ERG: variants seen among roughly 807,000 people sequenced by gnomAD.
ERG encodes the protein transcriptional regulator ERG.
A neutral mutation model predicts 55.3 loss-of-function variants in ERG; 9 were observed. The observed-to-expected ratio is 0.16, with a 90% CI of 0.10 to 0.28. The LOEUF is 0.28. ERG is among the 10% of genes least tolerant of loss of function. The pLI, the probability that ERG is intolerant of heterozygous loss-of-function variation, is 1.00. For synonymous variants in ERG, 223 were observed against 237.3 expected (o/e 0.94, Z 0.55); for missense variants, 434 against 631.6 (o/e 0.69, Z 3.35).
intron 2 of ERG, among the ~76,000 whole-genome samples, chr21:38,433,638 T>C (rs527650039): frequency 9.8e-4 from 148 of 151,660 alleles, no homozygotes; most frequent in Non-Finnish European, 1.5e-3. Flanking sequence ...TTGACAAGCA[T>C]GGAGCCTCAG....
chr21:38,576,174 G>A (rs994404384), intron 1 of ERG, among the ~76,000 whole-genome samples: 12 of 152,206 alleles, frequency 7.9e-5, no homozygotes, highest in Non-Finnish European at 1.6e-4. Context: ...ATCCTTTTCA[G>A]CTTTGTTATT....
At chr21:38,537,045 A>G (rs764288119) in intron 2 of ERG, among the ~76,000 whole-genome samples, 48 of 152,210 alleles carry the variant, frequency 3.2e-4, no homozygotes, top group Non-Finnish European at 2.1e-4. Context: ...AGATCATTTA[A>G]TGAGAAAAAA....
chr21:38,459,354 C>T (rs977519398), intron 1 of ERG, among the ~76,000 whole-genome samples: 3 of 152,202 alleles, frequency 2.0e-5, no homozygotes, highest in Admixed American at 6.5e-5. Context: ...AGGTCTAAGA[C>T]AGTTTTCCAA....
the ERG span, among the ~76,000 whole-genome samples, chr21:38,368,281 C>T: frequency 1.3e-5 from 2 of 152,074 alleles, no homozygotes; most frequent in Admixed American, 6.6e-5. Context: ...CATTGCATGA[C>T]CCCTAAATAA....
At chr21:38,389,147 ACC>A (rs1987851070) in intron 9 of ERG, among the ~76,000 whole-genome samples, 1 of 151,932 alleles carries the variant, frequency 6.6e-6, no homozygotes, top group African/African-American at 2.4e-5. Context: ...ATTTTGTAAG[ACC>A]TCCTCTTCCC....
At chr21:38,486,290 A>C (rs990150183) in intron 1 of ERG, among the ~76,000 whole-genome samples, 17 of 152,168 alleles carry the variant, frequency 1.1e-4, no homozygotes, top group African/African-American at 4.1e-4. Context: ...CCATTGTGTT[A>C]AGTGTCACAA....
chr21:38,625,124 C>T (rs764531275), intron 1 of ERG, among the ~76,000 whole-genome samples: 2 of 151,952 alleles, frequency 1.3e-5, no homozygotes, highest in Non-Finnish European at 2.9e-5. Context: ...TTTTTTAGAG[C>T]AGAAATAGAC....
chr21:38,390,797 G>C (rs1987935976), intron 9 of ERG, among the ~76,000 whole-genome samples, 198 bp downstream of exon 9: 1 of 152,210 alleles, frequency 6.6e-6, no homozygotes, highest in African/African-American at 2.4e-5. Context: ...GCTTGGATTA[G>C]GTTATAATGT....
intron 2 of ERG, among the ~76,000 whole-genome samples, chr21:38,505,974 T>C (rs1478004634): frequency 3.3e-5 from 5 of 152,236 alleles, no homozygotes; most frequent in African/African-American, 1.2e-4. Flanking sequence ...TGGTCTCATT[T>C]TTTACTTGTT....
chr21:38,419,405 C>A (rs530006138), intron 3 of ERG, among the ~76,000 whole-genome samples: 4 of 152,310 alleles, frequency 2.6e-5, no homozygotes, highest in African/African-American at 9.6e-5. Flanking sequence ...TTCTTTTTAT[C>A]CTGTAGGCAC....
chr21:38,518,102 G>A (rs1403275904), intron 2 of ERG, among the ~76,000 whole-genome samples: 2 of 152,074 alleles, frequency 1.3e-5, no homozygotes, highest in African/African-American at 2.4e-5. Flanking sequence ...TAGAAAAGAG[G>A]ACTTGCAATG....
At chr21:38,595,140 G>A (rs1216631762) in intron 1 of ERG, among the ~76,000 whole-genome samples, 1 of 152,092 alleles carries the variant, frequency 6.6e-6, no homozygotes, top group Non-Finnish European at 1.5e-5. Context: ...TAGACTTTTA[G>A]GCTAGGAAGT....
chr21:38,628,797 C>T (rs1043446326), intron 1 of ERG, among the ~76,000 whole-genome samples: 2 of 152,188 alleles, frequency 1.3e-5, no homozygotes, highest in Non-Finnish European at 2.9e-5. Flanking sequence ...TGGTGGGCAA[C>T]AAACAGACTA....
chr21:38,636,995 C>T (rs1193722437), intron 1 of ERG, among the ~76,000 whole-genome samples: 2 of 152,104 alleles, frequency 1.3e-5, no homozygotes, highest in Non-Finnish European at 2.9e-5. Context: ...GGAAATAAAG[C>T]CCCAAGGAGG....
intron 2 of ERG, among the ~76,000 whole-genome samples, chr21:38,527,871 C>A (rs139901328): frequency 6.6e-6 from 1 of 152,148 alleles, no homozygotes; most frequent in Non-Finnish European, 1.5e-5. Flanking sequence ...CAGATTGTTC[C>A]GTGAGTTTGG....
intron 2 of ERG, among the ~76,000 whole-genome samples, chr21:38,438,918 G>A (rs2058815649): frequency 6.6e-6 from 1 of 152,198 alleles, no homozygotes; most frequent in South Asian, 2.1e-4. Context: ...GGTCTCTTCC[G>A]ATTCTAGGGC....
intron 2 of ERG, among the ~76,000 whole-genome samples, chr21:38,565,376 C>T (rs2059916763): frequency 6.6e-6 from 1 of 152,216 alleles, no homozygotes; most frequent in Admixed American, 6.5e-5. Context: ...CAGATCACAT[C>T]TGCTATGAAC....
intron 1 of ERG, among the ~76,000 whole-genome samples, chr21:38,497,694 T>C (rs558147876): frequency 5.9e-5 from 9 of 152,294 alleles, no homozygotes; most frequent in African/African-American, 2.2e-4. Context: ...GGCCATTGCT[T>C]TCCAATCTCC....
At position 38,425,616 on chromosome 21, in the gene ERG, C is replaced by T. The variant is rs1173851531; in HGVS notation, c.237-2055G>A. Among the ~76,000 whole-genome samples the T allele has an allele frequency of 3.9e-5, 6 of 152,296 alleles. No homozygotes were observed. In the East Asian group the frequency reaches 7.7e-4, roughly 20 times the overall value. On this transcript the variant is annotated intron_variant, in intron 2 of 9. Transcript: ENST00000288319. ...CCTCTCAGGCTCTATCCAATGCATA[C>T]ATTTTTTTCATATTCCTTGGAATCT...
Sources: allele counts gnomAD v4.1 joint callset (sites outside exome capture counted in the v4.1 genomes callset), GRCh38; gene constraint gnomAD v4.1.1; transcripts MANE v1.5; gene names NCBI Gene and HGNC (gene_info 2026-07-23, HGNC 2026-07-21).